The following ADHFE1 variants were observed in gnomAD, a reference collection of about 807,000 sequenced individuals.
ADHFE1 encodes hydroxyacid-oxoacid transhydrogenase, mitochondrial.
In ADHFE1, 37 loss-of-function variants were observed where a neutral mutation model predicts 54.8. The observed-to-expected ratio is 0.68, with a 90% CI of 0.52 to 0.89. The LOEUF (loss-of-function observed/expected upper bound fraction) is 0.89, where lower values mean the gene tolerates loss of function less well. ADHFE1 is among the 40% of genes least tolerant of loss of function. The pLI is 0.00. For missense variants in ADHFE1, 601 were observed against 591.2 expected (o/e 1.02, Z -0.17); for synonymous variants, 203 against 229.3 (o/e 0.89, Z 1.04).
At position 66,457,130 on chromosome 8, in the gene ADHFE1, T is replaced by C; in HGVS notation, c.1126T>C (p.Phe376Leu). Residue 376 changes from phenylalanine to leucine, a missense_variant, in exon 12 of 14, where the codon TTT (phenylalanine) becomes CTT (leucine). Transcript: ENST00000396623. Reference protein sequence around the residue: ...PAVFTFTAQMFPERHLEMAEI... With the variant: ...PAVFTFTAQMLPERHLEMAEI... ...GGTGTTCACTTTCACGGCCCAGATGTTTCCAGAGCGACACCTGGAGATGGC... is the reference window on the plus strand; with the variant it reads ...GGTGTTCACTTTCACGGCCCAGATGCTTCCAGAGCGACACCTGGAGATGGC... 1 of 1,613,488 alleles carries C rather than the reference T, an allele frequency of 6.2e-7. No homozygotes were observed. Among genetic ancestry groups the C allele is most frequent in the South Asian group, 1.1e-5 (1 of 91,008 alleles).
chr8:66,450,417 T>C (rs566724619), intron 8 of ADHFE1, among the ~76,000 whole-genome samples: 16 of 152,308 alleles, frequency 1.1e-4, no homozygotes, highest in African/African-American at 2.4e-4. Context: ...AAAGAACACC[T>C]GGCCTGAGGA....
intron 11 of ADHFE1, 25 bp downstream of exon 11, chr8:66,456,920 T>C: frequency 6.9e-7 from 1 of 1,458,812 alleles, no homozygotes; most frequent in Non-Finnish European, 9.1e-7. Context: ...ATAAATTATT[T>C]AATTAAATAT....
chr8:66,435,775 C>G (rs1473009386), intron 1 of ADHFE1, among the ~76,000 whole-genome samples: 2 of 151,386 alleles, frequency 1.3e-5, no homozygotes, highest in Admixed American at 1.3e-4. Context: ...TCATGCGCAG[C>G]TGATTTTATT....
rs558025628 is a variant in ADHFE1 at position 66,456,370 on chromosome 8, G to A, written c.987-447G>A. Among the ~76,000 whole-genome samples the A allele has an allele frequency of 1.4e-4, 21 of 152,276 alleles. No homozygotes were observed. In the South Asian group the frequency reaches 3.1e-3, roughly 23 times the overall value. On this transcript the variant is annotated intron_variant, in intron 10 of 13. Coordinates refer to ENST00000396623, the MANE Select transcript of ADHFE1 (RefSeq NM_144650.3). ...GTGGGACAGATCACTGATGGGTCAAGCTTGCACGTCATCAAATACAGCACA... is the reference window on the plus strand; with the variant it reads ...GTGGGACAGATCACTGATGGGTCAAACTTGCACGTCATCAAATACAGCACA...
chr8:66,462,597 A>G (rs961481827), intron 13 of ADHFE1, among the ~76,000 whole-genome samples: 2 of 152,232 alleles, frequency 1.3e-5, no homozygotes, highest in African/African-American at 4.8e-5. Flanking sequence ...GCATGGTCCC[A>G]GTGACACTGT....
rs750640482 is a variant in ADHFE1 at position 66,447,287 on chromosome 8, A to G, written c.574A>G (p.Ser192Gly). 1.9e-6 allele frequency: 3 copies of G among 1,613,568 alleles called. No individual in the cohort carries two copies. The highest frequency in any genetic ancestry group is 1.7e-6 in the Non-Finnish European group (2 of 1,179,682). Residue 192 changes from serine (S) to glycine (G), a missense_variant, in exon 7 of 14, where the codon AGT becomes GGT. Transcript: ENST00000396623. ...IAVPTTSGTG[S>G]ETTGVAIFDY... The stretch of plus-strand genomic sequence containing the variant: ...AGTGCCAACTACCTCAGGAACCGGG[A>G]GTGAAACTACTGGGGTTGCCATTTT...
chr8:66,442,063 G>C (rs551227326), intron 2 of ADHFE1, among the ~76,000 whole-genome samples: 1 of 151,490 alleles, frequency 6.6e-6, no homozygotes, highest in South Asian at 2.1e-4. Flanking sequence ...ACTGTGATAA[G>C]TTATCCCTAT....
At chr8:66,436,014 C>T (rs1310124780) in intron 1 of ADHFE1, among the ~76,000 whole-genome samples, 3 of 148,714 alleles carry the variant, frequency 2.0e-5, no homozygotes, top group Non-Finnish European at 3.0e-5. Flanking sequence ...CTCCTGGGTT[C>T]GAGCGATTCT....
At chr8:66,455,563 G>T (rs1806538736) in intron 10 of ADHFE1, among the ~76,000 whole-genome samples, 1 of 152,210 alleles carries the variant, frequency 6.6e-6, no homozygotes, top group Admixed American at 6.5e-5. Flanking sequence ...AGTGTACCCA[G>T]AGCCTGAAAA....
chr8:66,441,382 C>G (rs1045550579), intron 2 of ADHFE1, among the ~76,000 whole-genome samples: 64 of 152,138 alleles, frequency 4.2e-4, no homozygotes, highest in African/African-American at 1.5e-3. Flanking sequence ...AGGCTTGAGC[C>G]CCTGCACCGG....
chr8:66,440,079 A>G (rs1805669420), intron 1 of ADHFE1, 83 bp from the exon 2 acceptor site: 2 of 1,348,084 alleles, frequency 1.5e-6, no homozygotes, highest in Non-Finnish European at 2.1e-6. Context: ...CTAGACTGCA[A>G]TGTGAGTTAG....
At chr8:66,432,859 G>A in intron 1 of ADHFE1, 2 of 1,215,512 alleles carry the variant, frequency 1.6e-6, no homozygotes, top group Admixed American at 4.3e-5. Flanking sequence ...GCAGGCAGTG[G>A]AGAGCTTGGC....
chr8:66,439,277 T>C lies in ADHFE1; in HGVS notation c.60-885T>C, dbSNP rs1805624402. 1.0e-6 allele frequency: 1 copy of C among 985,250 alleles called. No homozygotes were observed. The allele number at this position is 985,250 out of a possible 1,614,324, so 61.0% of individuals were successfully genotyped here. On this transcript the variant is annotated intron_variant, in intron 1 of 13. Coordinates refer to ENST00000396623, the MANE Select transcript of ADHFE1 (RefSeq NM_144650.3). This position sits in a 1 kb window ranked among gnomAD's most constrained non-coding sequence, Gnocchi z 4.4. Reference sequence around the variant, plus strand: ...GGGAGAAGGAAGTGATGCACTCAAGTATCTACCGAGACCCAACCACTGGAC... The same window carrying C: ...GGGAGAAGGAAGTGATGCACTCAAGCATCTACCGAGACCCAACCACTGGAC...
intron 12 of ADHFE1, among the ~76,000 whole-genome samples, chr8:66,459,349 TC>T (rs1477302869): frequency 2.0e-5 from 3 of 151,066 alleles, no homozygotes; most frequent in Non-Finnish European, 2.9e-5. Context: ...GGGCAGAACC[TC>T]CCGCGTGGCT....
rs1805612596 is a variant in ADHFE1, at chr8:66,439,082, G to C, written c.60-1080G>C. Among the ~76,000 whole-genome samples the C allele has an allele frequency of 6.6e-6, 1 of 151,982 alleles. No homozygotes were observed. The highest frequency in any genetic ancestry group is 1.5e-5 in the Non-Finnish European group (1 of 67,974). ...TCCTCTCCCCCGGCGCGCGCGTCGG[G>C]AACCACTAGATGGCAGCCGCGACTC... is the stretch of plus-strand genomic sequence containing the variant. On this transcript the variant is annotated intron_variant, in intron 1 of 13. Coordinates refer to ENST00000396623, the MANE Select transcript of ADHFE1 (RefSeq NM_144650.3). This position sits in a 1 kb window ranked among gnomAD's most constrained non-coding sequence, Gnocchi z 4.4.
intron 1 of ADHFE1, chr8:66,432,977 G>T: frequency 1.1e-6 from 1 of 935,884 alleles, no homozygotes; most frequent in Non-Finnish European, 1.3e-6. Context: ...GAAAGGCTCT[G>T]GAGCAGTTTG....
At chr8:66,434,103 G>A (rs1166364697) in intron 1 of ADHFE1, among the ~76,000 whole-genome samples, 1 of 152,254 alleles carries the variant, frequency 6.6e-6, no homozygotes, top group Non-Finnish European at 1.5e-5. Context: ...CGGAGAGGCA[G>A]TTCCTTGGGT....
In ADHFE1 at chr8:66,439,586, G is replaced by T; in HGVS notation, c.60-576G>T. The T allele has an allele frequency of 7.1e-6, 7 of 986,126 alleles. No homozygotes were observed. Among genetic ancestry groups the T allele is most frequent in the Non-Finnish European group, 8.4e-6 (7 of 830,460 alleles). 61.1% of individuals were successfully genotyped at this position (986,126 alleles called of 1,614,324 possible). A position where few individuals can be genotyped will look rare whatever the true frequency, so the allele number is the denominator to read the frequency against. ...TCTGGGGAGCGGCGCGGCGGGGACG[G>T]AGGAGAGCTCGGAGCCCGGGGCTGC... On this transcript the variant is annotated intron_variant, in intron 1 of 13. Transcript: ENST00000396623. The surrounding 1 kb of genome is among the most constrained non-coding windows in gnomAD (Gnocchi z 4.4).
chr8:66,437,300 C>A (rs1805514651), intron 1 of ADHFE1, among the ~76,000 whole-genome samples: 1 of 152,070 alleles, frequency 6.6e-6, no homozygotes, highest in Non-Finnish European at 1.5e-5. Context: ...GCTGGCAGTC[C>A]TTGAGTAGAT....
Sources: gnomAD v4.1 joint callset for allele counts (sites outside exome capture counted in the v4.1 genomes callset) on GRCh38, gnomAD v4.1.1 for gene constraint, Gnocchi (gnomAD v3.1) non-coding constraint, MANE v1.5 for transcripts, NCBI Gene and HGNC (gene_info 2026-07-23, HGNC 2026-07-21) for gene names.